The following TSPAN9 variants were observed in gnomAD, a reference collection of about 807,000 sequenced individuals.
TSPAN9 encodes the protein tetraspanin 9, also known as tetraspanin-9.
TSPAN9 carries 16 observed loss-of-function variants against 31.0 expected under a neutral mutation model. That is an observed-to-expected ratio of 0.52 (90% CI 0.35 to 0.78). The LOEUF (loss-of-function observed/expected upper bound fraction) is 0.78, where lower values mean the gene tolerates loss of function less well. TSPAN9 is among the 30% of genes least tolerant of loss of function. The pLI is 0.01. For synonymous variants in TSPAN9, 145 were observed against 121.6 expected, an observed-to-expected ratio of 1.19 and a Z score of -1.27; for missense variants, 272 against 312.5, an observed-to-expected ratio of 0.87 and a Z score of 0.98.
intron 2 of TSPAN9, among the ~76,000 whole-genome samples, chr12:3,146,553 A>G (rs1294561443): frequency 6.6e-6 from 1 of 152,212 alleles, no homozygotes; most frequent in Non-Finnish European, 1.5e-5. Flanking sequence ...CAGGCATTAG[A>G]CAAACAGTTC....
chr12:3,141,078 C>T (rs796840763), intron 2 of TSPAN9, among the ~76,000 whole-genome samples: 10 of 151,970 alleles, frequency 6.6e-5, no homozygotes, highest in South Asian at 2.1e-4. Context: ...ATTCAGTTGA[C>T]GAGGACCACG....
chr12:3,147,723 A>G lies in TSPAN9; in HGVS notation c.-17-53454A>G, dbSNP rs531510733. On this transcript the variant is annotated intron_variant, in intron 2 of 8. Coordinates refer to ENST00000011898, the MANE Select transcript of TSPAN9 (RefSeq NM_006675.5). The surrounding 1 kb of genome is among the most constrained non-coding windows in gnomAD (Gnocchi z 4.3). ...TATTCAGTTTTAACTTAAAATGGAAATGTAGGTGGCCACATGTTGCTAGTG... is the reference window on the plus strand; with the variant it reads ...TATTCAGTTTTAACTTAAAATGGAAGTGTAGGTGGCCACATGTTGCTAGTG... Among the ~76,000 whole-genome samples the G allele has an allele frequency of 2.9e-4, 44 of 152,222 alleles. No individual in the cohort carries two copies. The highest frequency in any genetic ancestry group is 5.0e-4 in the Non-Finnish European group (34 of 68,044).
intron 2 of TSPAN9, among the ~76,000 whole-genome samples, chr12:3,099,436 A>C (rs900885363): frequency 1.3e-5 from 2 of 151,970 alleles, no homozygotes; most frequent in African/African-American, 2.4e-5. Context: ...TGAGCTTTGG[A>C]GCGTACTTAC....
At chr12:3,233,377 G>T (rs1391949684) in intron 3 of TSPAN9, among the ~76,000 whole-genome samples, 1 of 152,210 alleles carries the variant, frequency 6.6e-6, no homozygotes, top group Non-Finnish European at 1.5e-5. Flanking sequence ...CTCTAGCCCT[G>T]CTCCGTCCCT....
At chr12:3,096,737 G>A (rs1050263421) in intron 2 of TSPAN9, among the ~76,000 whole-genome samples, 3 of 150,252 alleles carry the variant, frequency 2.0e-5, no homozygotes, top group Non-Finnish European at 4.4e-5. Flanking sequence ...TCGCTCTGTC[G>A]CCCGGAGTGC....
chr12:3,141,949 G>A (rs562509334), intron 2 of TSPAN9, among the ~76,000 whole-genome samples: 7 of 152,320 alleles, frequency 4.6e-5, no homozygotes, highest in South Asian at 4.1e-4. Flanking sequence ...TCCTGTGCCC[G>A]GAAGCCGACT....
At chr12:3,157,056 G>A (rs1415088553) in intron 2 of TSPAN9, among the ~76,000 whole-genome samples, 1 of 152,072 alleles carries the variant, frequency 6.6e-6, no homozygotes, top group East Asian at 1.9e-4. Context: ...GCCAGAGAGG[G>A]CAGAGCAGGT....
chr12:3,264,346 A>G (rs2878529), intron 3 of TSPAN9, among the ~76,000 whole-genome samples: 100,917 of 152,040 alleles, frequency 0.66, 33,703 homozygotes, highest in East Asian at 0.87. Context: ...GCCTCAACCC[A>G]CCTCCTCTGG....
chr12:3,142,696 G>A (rs2098335439), intron 2 of TSPAN9, among the ~76,000 whole-genome samples: 1 of 152,232 alleles, frequency 6.6e-6, no homozygotes, highest in African/African-American at 2.4e-5. Context: ...GGGTGCCTGC[G>A]GTGCGTATCT....
chr12:3,101,074 T>C (rs1318353974), intron 2 of TSPAN9, among the ~76,000 whole-genome samples: 1 of 152,176 alleles, frequency 6.6e-6, no homozygotes, highest in Non-Finnish European at 1.5e-5. Context: ...TCTGAAGTCA[T>C]CTGGAGGAGG....
rs954317507 is a variant in TSPAN9, at chr12:3,172,527, C to T, written c.-17-28650C>T. The T allele has an allele frequency of 2.0e-5, 3 of 152,232 alleles. No homozygotes were observed. The highest frequency in any genetic ancestry group is 4.4e-5 in the Non-Finnish European group (3 of 68,062). 9.4% of individuals were successfully genotyped at this position (152,232 alleles called of 1,614,324 possible). A position where few individuals can be genotyped will look rare whatever the true frequency, so the allele number is the denominator to read the frequency against. On this transcript the variant is annotated intron_variant, in intron 2 of 8. Transcript: ENST00000011898. The surrounding 1 kb of genome is among the most constrained non-coding windows in gnomAD (Gnocchi z 4.8). ...TAAACGCCGCTTGCTGAGTCCCACC[C>T]TAGCGCATAGAATCATAACCGCGGG...
chr12:3,089,434 T>C lies in TSPAN9; in HGVS notation c.-18+5715T>C, dbSNP rs770130045. On this transcript the variant is annotated intron_variant, in intron 2 of 8. Coordinates refer to ENST00000011898, the MANE Select transcript of TSPAN9 (RefSeq NM_006675.5). ...GCCTCAGCCTCCCGAGTAGCTGGGATTACAGGCATGTGCCACCACGCCTGG... is the reference window on the plus strand; with the variant it reads ...GCCTCAGCCTCCCGAGTAGCTGGGACTACAGGCATGTGCCACCACGCCTGG... Among the ~76,000 whole-genome samples, 184 of 150,584 alleles carry C rather than the reference T, an allele frequency of 1.2e-3. 1 individual carries two copies. The highest frequency in any genetic ancestry group is 2.2e-3 in the Non-Finnish European group (146 of 67,660).
intron 3 of TSPAN9, chr12:3,206,300 T>A (rs1456526660): frequency 2.2e-6 from 1 of 455,968 alleles, no homozygotes; most frequent in East Asian, 6.9e-5. Context: ...TTGGTGAGAA[T>A]GGGCTGACTG....
At chr12:3,121,339 CA>C (rs2098324962) in intron 2 of TSPAN9, among the ~76,000 whole-genome samples, 6 of 132,088 alleles carry the variant, frequency 4.5e-5, no homozygotes, top group African/African-American at 1.5e-4. Context: ...TTTTTCAAAA[CA>C]GGGGATGTTG....
At chr12:3,275,626 C>G (rs1343818484) in intron 3 of TSPAN9, among the ~76,000 whole-genome samples, 1 of 152,274 alleles carries the variant, frequency 6.6e-6, no homozygotes, top group African/African-American at 2.4e-5. Context: ...TGGAGCGCCA[C>G]CTAGTGGCCG....
At chr12:3,181,839 T>G (rs1398681479) in intron 2 of TSPAN9, among the ~76,000 whole-genome samples, 1 of 152,142 alleles carries the variant, frequency 6.6e-6, no homozygotes, top group Non-Finnish European at 1.5e-5. Flanking sequence ...TTCTCCTTGC[T>G]CCTTTGCTGT....
At chr12:3,127,040 G>A (rs898753287) in intron 2 of TSPAN9, among the ~76,000 whole-genome samples, 2 of 152,026 alleles carry the variant, frequency 1.3e-5, no homozygotes, top group Non-Finnish European at 2.9e-5. Context: ...CTCCCAAGTA[G>A]CTGGGACTAC....
chr12:3,095,606 G>GAT (rs2098307924), intron 2 of TSPAN9, among the ~76,000 whole-genome samples: 15 of 123,974 alleles, frequency 1.2e-4, no homozygotes, highest in East Asian at 7.1e-4. Context: ...CCTCCCAGAC[G>GAT]GGGCGGCTGG....
intron 3 of TSPAN9, among the ~76,000 whole-genome samples, chr12:3,247,113 C>T (rs1008925859): frequency 2.6e-5 from 4 of 152,236 alleles, no homozygotes; most frequent in Non-Finnish European, 5.9e-5. Flanking sequence ...TTCACTGTGT[C>T]GAGCATCGTC....
Sources: gnomAD v4.1 joint callset for allele counts (sites outside exome capture counted in the v4.1 genomes callset) on GRCh38, gnomAD v4.1.1 for gene constraint, Gnocchi (gnomAD v3.1) non-coding constraint, MANE v1.5 for transcripts, NCBI Gene and HGNC (gene_info 2026-07-23, HGNC 2026-07-21) for gene names.